Variants in FBXO48 observed in about 807,000 individuals in gnomAD.
The protein encoded by FBXO48 is F-box protein 48, also known as F-box only protein 48.
A neutral mutation model predicts 14.3 loss-of-function variants in FBXO48; 12 were observed. The ratio of observed to expected loss-of-function variants is 0.84; its 90% CI spans 0.54 to 1.36. The LOEUF (loss-of-function observed/expected upper bound fraction) is 1.36, where lower values mean the gene tolerates loss of function less well. Ranked by LOEUF, FBXO48 falls within the 40% of genes most tolerant of loss-of-function variation. The pLI, the probability that FBXO48 is intolerant of heterozygous loss-of-function variation, is 0.00. For synonymous variants in FBXO48, 53 were observed against 61.7 expected (o/e 0.86, Z 0.66); for missense variants, 177 against 179.1 (o/e 0.99, Z 0.07).
Position 68,461,426 on chromosome 2 carries a change from A to G in FBXO48, c.*2783T>C, listed in dbSNP as rs1675261767. The G allele has an allele frequency of 6.7e-6, 1 of 148,906 alleles. No individual in the cohort carries two copies. Among genetic ancestry groups the G allele is most frequent in the African/African-American group, 2.5e-5 (1 of 39,604 alleles). The allele number at this position is 148,906 out of a possible 1,614,324, so 9.2% of individuals were successfully genotyped here. A position where few individuals can be genotyped will look rare whatever the true frequency, so the allele number is the denominator to read the frequency against. On this transcript the variant is annotated 3_prime_UTR_variant, in exon 4 of 4. Transcript: ENST00000377957. ...ATTCTCCTGCCTCAGCCTCCCGAGT[A>G]GCTGGGACTACAGGCGCCCGCCACC...
rs1273031452 is a variant in FBXO48 at position 68,465,161 on chromosome 2, G to A, written c.-16C>T. The A allele has an allele frequency of 6.4e-7, 1 of 1,572,366 alleles. No individual in the cohort carries two copies. The highest frequency in any genetic ancestry group is 1.1e-5 in the South Asian group (1 of 87,708). On this transcript the variant is annotated 5_prime_UTR_variant, in exon 3 of 4. Transcript: ENST00000377957. ...TTTTATGCATAGCTTAATGTTTTAA[G>A]TTATCCTCATATGTAACCTAAAAGG... is the stretch of plus-strand genomic sequence containing the variant.
chr2:68,465,762 T>C (rs556881106), intron 2 of FBXO48, among the ~76,000 whole-genome samples: 2 of 152,320 alleles, frequency 1.3e-5, no homozygotes, highest in South Asian at 4.1e-4. Flanking sequence ...ACATGGGAAC[T>C]GATGCCTCAT....
At chr2:68,465,215 T>G (rs1675371264) in intron 2 of FBXO48, 37 bp from the exon 3 acceptor site, 1 of 1,057,180 alleles carries the variant, frequency 9.5e-7, no homozygotes, top group Non-Finnish European at 1.4e-6. Context: ...AGTCTCCAAA[T>G]AGGAGTATAA....
rs1379155338 is a variant in FBXO48, at chr2:68,461,366, G to A, written c.*2843C>T. On this transcript the variant is annotated 3_prime_UTR_variant, in exon 4 of 4. Transcript: ENST00000377957. ...CTGCGGACTGCAGTGGCGCAATCTC[G>A]GCTCACTGCAAGCTCCGCCTCCCGG... 4 of 141,468 alleles carry A rather than the reference G, an allele frequency of 2.8e-5. No individual in the cohort carries two copies. The East Asian group carries it at 6.1e-4, about 22-fold the overall frequency. 8.8% of individuals were successfully genotyped at this position (141,468 alleles called of 1,614,324 possible).
In FBXO48 at chr2:68,464,230, T is replaced by C. The variant is rs778325729; in HGVS notation, c.447A>G (p.Leu149=). 8 of 1,613,726 alleles carry C rather than the reference T, an allele frequency of 5.0e-6. No individual in the cohort carries two copies. Among genetic ancestry groups the C allele is most frequent in the African/African-American group, 1.3e-5 (1 of 74,924 alleles). ...PMDADTWGEI[L]EAELER is the part of the protein sequence containing the mutation. ...CCCCTTATCTTTCCAGTTCTGCTTCTAGAATTTCCCCCCATGTATCTGCAT... is the reference window on the plus strand; with the variant it reads ...CCCCTTATCTTTCCAGTTCTGCTTCCAGAATTTCCCCCCATGTATCTGCAT... Residue 149 remains leucine (L), a synonymous_variant, in exon 4 of 4, where the codon CTA becomes CTG. Transcript: ENST00000377957.
In FBXO48 at chr2:68,461,019, A is replaced by G. The variant is rs1018445139; in HGVS notation, c.*3190T>C. On this transcript the variant is annotated 3_prime_UTR_variant, in exon 4 of 4. Coordinates refer to ENST00000377957, the MANE Select transcript of FBXO48 (RefSeq NM_001024680.3). The stretch of plus-strand genomic sequence containing the variant: ...CCATATGGAGTGATGGCCATATTAT[A>G]GCAGATTAAGACTGACTGGTGAGGA... 6.6e-6 allele frequency: 1 copy of G among 152,222 alleles called. No individual in the cohort carries two copies. The highest frequency in any genetic ancestry group is 6.5e-5 in the Admixed American group (1 of 15,284). The allele number at this position is 152,222 out of a possible 1,614,324, so 9.4% of individuals were successfully genotyped here. A position where few individuals can be genotyped will look rare whatever the true frequency, so the allele number is the denominator to read the frequency against.
intron 1 of FBXO48, among the ~76,000 whole-genome samples, chr2:68,466,744 A>G (rs1045695222): frequency 3.9e-5 from 6 of 152,174 alleles, no homozygotes; most frequent in African/African-American, 1.4e-4. Context: ...ATTTCACAGC[A>G]GGGGATACCT....
rs1675332259 is a variant in FBXO48, at chr2:68,464,066, C to G, written c.*143G>C. 1.1e-5 allele frequency: 8 copies of G among 752,656 alleles called. No individual in the cohort carries two copies. The Middle Eastern group carries it at 2.4e-3, about 224-fold the overall frequency. The allele number at this position is 752,656 out of a possible 1,614,324, so 46.6% of individuals were successfully genotyped here. Reference sequence around the variant, plus strand: ...ACTAAAGTGCAAAACAAAAATAAAGCTTTACTTTTATAATAGTTCCATTTC... The same window carrying G: ...ACTAAAGTGCAAAACAAAAATAAAGGTTTACTTTTATAATAGTTCCATTTC... On this transcript the variant is annotated 3_prime_UTR_variant, in exon 4 of 4. Transcript: ENST00000377957.
chr2:68,464,989 G>C lies in FBXO48; in HGVS notation c.157C>G (p.Arg53Gly), dbSNP rs150942426. Residue 53 changes from arginine (R) to glycine (G), a missense_variant, in exon 3 of 4, where the codon CGG (arginine) becomes GGG (glycine). Transcript: ENST00000377957. Reference sequence around the variant, plus strand: ...GTCAATGAAGCCCTGCACAGACTCCGAATGTCCAGCTGACTGAAAATTTTA... The same window carrying C: ...GTCAATGAAGCCCTGCACAGACTCCCAATGTCCAGCTGACTGAAAATTTTA... The part of the protein sequence containing the change: ...TFKIFSQLDI[R>G]SLCRASLTCR... 6.2e-7 allele frequency: 1 copy of C among 1,613,898 alleles called. No individual in the cohort carries two copies. The highest frequency in any genetic ancestry group is 1.3e-5 in the African/African-American group (1 of 75,032).
chr2:68,461,449 A>G lies in FBXO48; in HGVS notation c.*2760T>C, dbSNP rs1468581638. Reference sequence around the variant, plus strand: ...GTAGCTGGGACTACAGGCGCCCGCCACCGCGCCCGGCTAATTTTTTGTATT... The same window carrying G: ...GTAGCTGGGACTACAGGCGCCCGCCGCCGCGCCCGGCTAATTTTTTGTATT... On this transcript the variant is annotated 3_prime_UTR_variant, in exon 4 of 4. Transcript: ENST00000377957. 6.7e-6 allele frequency: 1 copy of G among 149,212 alleles called. No individual in the cohort carries two copies. Among genetic ancestry groups the G allele is most frequent in the Non-Finnish European group, 1.5e-5 (1 of 67,510 alleles). 9.2% of individuals were successfully genotyped at this position (149,212 alleles called of 1,614,324 possible).
chr2:68,464,378 A>G lies in FBXO48; in HGVS notation c.307-8T>C. The stretch of plus-strand genomic sequence containing the variant: ...ATTCCTCAGCAGTATCACCTGAAAG[A>G]GGTAAATCACCGTTAAAAAAGACTG... On this transcript the variant is annotated splice_region_variant and splice_polypyrimidine_tract_variant and intron_variant, in intron 3 of 3. Transcript: ENST00000377957. 1 of 1,612,948 alleles carries G rather than the reference A, an allele frequency of 6.2e-7. No homozygotes were observed.
Position 68,464,289 on chromosome 2 carries a change from T to C in FBXO48, c.388A>G (p.Ile130Val). 1 of 1,613,870 alleles carries C rather than the reference T, an allele frequency of 6.2e-7. No homozygotes were observed. Among genetic ancestry groups the C allele is most frequent in the Non-Finnish European group, 8.5e-7 (1 of 1,179,906 alleles). ...SGRYSNICSPISLPEKIMYPM... is the reference protein window; with the variant it reads ...SGRYSNICSPVSLPEKIMYPM... Reference sequence around the variant, plus strand: ...TACATGATTTTTTCTGGTAGGCTAATGGGAGAACAAATGTTGCTGTATCTG... The same window carrying C: ...TACATGATTTTTTCTGGTAGGCTAACGGGAGAACAAATGTTGCTGTATCTG... Residue 130 changes from isoleucine to valine, a missense_variant, in exon 4 of 4, where the codon ATT becomes GTT. By Grantham distance (29) the Ile-to-Val change is conservative. Transcript: ENST00000377957.
At chr2:68,464,767 G>A in intron 3 of FBXO48, 73 bp downstream of exon 3, 1 of 1,107,702 alleles carries the variant, frequency 9.0e-7, no homozygotes, top group South Asian at 1.4e-5. Context: ...CCTCCAAGCA[G>A]AAGTTAGAAT....
rs1334619751 is a variant in FBXO48 at position 68,462,181 on chromosome 2, C to T, written c.*2028G>A. 6.6e-6 allele frequency: 1 copy of T among 151,824 alleles called. No homozygotes were observed. The highest frequency in any genetic ancestry group is 2.4e-5 in the African/African-American group (1 of 41,268). The allele number at this position is 151,824 out of a possible 1,614,324, so 9.4% of individuals were successfully genotyped here. On this transcript the variant is annotated 3_prime_UTR_variant, in exon 4 of 4. Transcript: ENST00000377957. ...ATGATGATGATAGATTGTAAGGGGG[C>T]TGGACAAAAATAATAAACATCCATT... is the stretch of plus-strand genomic sequence containing the variant.
In FBXO48 at chr2:68,464,271, T is replaced by G. The variant is rs770008783; in HGVS notation, c.406A>C (p.Ile136Leu). ...GTATCTGCATCCATTGGGTACATGA[T>G]TTTTTCTGGTAGGCTAATGGGAGAA... Reference protein sequence around the residue: ...ICSPISLPEKIMYPMDADTWG... With the variant: ...ICSPISLPEKLMYPMDADTWG... Residue 136 changes from isoleucine to leucine, a missense_variant, in exon 4 of 4, where the codon ATC (isoleucine) becomes CTC (leucine). Physicochemically the swap from Ile to Leu is conservative, Grantham distance 5. Transcript: ENST00000377957. 7 of 1,613,890 alleles carry G rather than the reference T, an allele frequency of 4.3e-6. No homozygotes were observed. The Admixed American group carries it at 1.2e-4, about 27-fold the overall frequency.
At chr2:68,465,574 G>A (rs1390503417) in intron 2 of FBXO48, among the ~76,000 whole-genome samples, 5 of 150,812 alleles carry the variant, frequency 3.3e-5, no homozygotes, top group Non-Finnish European at 5.9e-5. Flanking sequence ...ACTGTTTTAC[G>A]GAGAAATGGT....
Position 68,460,665 on chromosome 2 carries a change from A to G in FBXO48, c.*3544T>C, listed in dbSNP as rs758862018. The G allele has an allele frequency of 6.6e-6, 1 of 152,150 alleles. No individual in the cohort carries two copies. Among genetic ancestry groups the G allele is most frequent in the Non-Finnish European group, 1.5e-5 (1 of 68,030 alleles). 9.4% of individuals were successfully genotyped at this position (152,150 alleles called of 1,614,324 possible). On this transcript the variant is annotated 3_prime_UTR_variant, in exon 4 of 4. Coordinates refer to ENST00000377957, the MANE Select transcript of FBXO48 (RefSeq NM_001024680.3). ...GACATAGACGGCATTAGCACCAACA[A>G]TGGTAGCTGACATAGGAGTTGTAGA...
chr2:68,464,856 C>T lies in FBXO48; in HGVS notation c.290G>A (p.Ser97Asn). The change falls in exon 3 of 4, where the codon AGT becomes AAT. Residue 97 changes from serine to asparagine, a missense_variant. Physicochemically the swap from Ser to Asn is conservative, Grantham distance 46 (BLOSUM62 1). Coordinates refer to ENST00000377957, the MANE Select transcript of FBXO48 (RefSeq NM_001024680.3). ...CRREIDDDLE[S>N]GYSWRVILLR... ...TAAACTTACCCTCCAGGAATAACCA[C>T]TTTCTAGATCATCATCTATTTCTCT... 6 of 1,611,748 alleles carry T rather than the reference C, an allele frequency of 3.7e-6. No homozygotes were observed. In the South Asian group the frequency reaches 6.6e-5, roughly 18 times the overall value.
In FBXO48 at chr2:68,464,341, A is replaced by C. The variant is rs146033276; in HGVS notation, c.336T>G (p.Ser112Arg). The C allele has an allele frequency of 9.9e-6, 16 of 1,613,638 alleles. No homozygotes were observed. The African/African-American group carries it at 1.9e-4, about 19-fold the overall frequency. Residue 112 changes from serine to arginine, a missense_variant, in exon 4 of 4, where the codon AGT (serine) becomes AGG (arginine). Coordinates refer to ENST00000377957, the MANE Select transcript of FBXO48 (RefSeq NM_001024680.3). ...RVILLRNYQKSKVKHEWLSGR... is the reference protein window; with the variant it reads ...RVILLRNYQKRKVKHEWLSGR... ...CACTTAGCCATTCGTGTTTCACTTT[A>C]CTCTTCTGGTAATTCCTCAGCAGTA... is the stretch of plus-strand genomic sequence containing the variant.
Sources: allele counts gnomAD v4.1 joint callset (sites outside exome capture counted in the v4.1 genomes callset), GRCh38; gene constraint gnomAD v4.1.1; transcripts MANE v1.5; gene names NCBI Gene and HGNC (gene_info 2026-07-23, HGNC 2026-07-21).